TMPO: variants seen among roughly 807,000 people sequenced by gnomAD.
TMPO encodes LEM domain containing 4.
In TMPO, 22 loss-of-function variants were observed where a neutral mutation model predicts 45.4. That is an observed-to-expected ratio of 0.48 (90% CI 0.35 to 0.69). The LOEUF (loss-of-function observed/expected upper bound fraction) is 0.69. Ranked by LOEUF, TMPO falls within the 30% of genes least tolerant of loss-of-function variation. The probability of loss-of-function intolerance (pLI) is 0.01; values close to 1 mark genes in which losing one functional copy is unlikely to be tolerated. For missense variants in TMPO, 512 were observed against 548.8 expected, an observed-to-expected ratio of 0.93 and a Z score of 0.67; for synonymous variants, 241 against 204.1, an observed-to-expected ratio of 1.18 and a Z score of -1.54.
chr12:98,534,727 T>C (rs1306893879), intron 3 of TMPO: 1 of 1,035,480 alleles, frequency 9.7e-7, no homozygotes, highest in Non-Finnish European at 1.2e-6. Flanking sequence ...ATTAAACATT[T>C]GTTACACATT....
At chr12:98,527,630 T>C in intron 1 of TMPO, 1 of 405,276 alleles carries the variant, frequency 2.5e-6, no homozygotes, top group Non-Finnish European at 4.5e-6. Flanking sequence ...CTCTTTTAGA[T>C]AGGTAATCCA....
intron 1 of TMPO, among the ~76,000 whole-genome samples, chr12:98,524,561 A>C (rs985744071): frequency 2.6e-5 from 4 of 151,492 alleles, no homozygotes; most frequent in African/African-American, 7.3e-5. Context: ...CGAGAGAGTT[A>C]AGAGACTCCA....
chr12:98,542,600 AC>A (rs1355348442), intron 4 of TMPO, among the ~76,000 whole-genome samples: 4 of 152,080 alleles, frequency 2.6e-5, no homozygotes, highest in African/African-American at 9.7e-5. Flanking sequence ...AGTGGCTCAC[AC>A]CTGTAATCCC....
intron 3 of TMPO, chr12:98,534,343 T>G (rs1350530437): frequency 1.4e-5 from 23 of 1,611,436 alleles, no homozygotes; most frequent in Middle Eastern, 1.7e-4. Context: ...TAAACACTAG[T>G]AAAATTAAGG....
intron 3 of TMPO, chr12:98,534,676 T>C: frequency 8.9e-7 from 1 of 1,126,616 alleles, no homozygotes; most frequent in Non-Finnish European, 1.1e-6. Context: ...TATTTACTGT[T>C]CAATAGAATA....
rs1399046047 is a variant in TMPO at position 98,549,476 on chromosome 12, G to C, written c.*1618G>C. 1 of 152,120 alleles carries C rather than the reference G, an allele frequency of 6.6e-6. No individual in the cohort carries two copies. The highest frequency in any genetic ancestry group is 2.1e-4 in the South Asian group (1 of 4,816). 9.4% of individuals were successfully genotyped at this position (152,120 alleles called of 1,614,324 possible). ...TGCACCCGGCCGGCATTATGATTTT[G>C]TGTACTCTTGAAATGGTTATCTTTG... On this transcript the variant is annotated 3_prime_UTR_variant, in exon 9 of 9. Transcript: ENST00000556029.
At chr12:98,534,890 C>G in intron 3 of TMPO, 1 of 983,826 alleles carries the variant, frequency 1.0e-6, no homozygotes, top group Non-Finnish European at 1.2e-6. Flanking sequence ...CAATGCAACT[C>G]AAAGCACCAG....
At chr12:98,546,906 G>T (rs1465026388) in intron 8 of TMPO, among the ~76,000 whole-genome samples, 1 of 151,988 alleles carries the variant, frequency 6.6e-6, no homozygotes, top group African/African-American at 2.4e-5. Context: ...TTTTCTAATT[G>T]AAAAGGCTGT....
intron 3 of TMPO, chr12:98,535,667 T>A (rs1302881486): frequency 1.0e-6 from 1 of 985,308 alleles, no homozygotes; most frequent in East Asian, 1.1e-4. Flanking sequence ...TTGTTCTGTG[T>A]GCTTTATTCT....
At chr12:98,532,929 T>C in intron 3 of TMPO, 1 of 1,614,182 alleles carries the variant, frequency 6.2e-7, no homozygotes, top group African/African-American at 1.3e-5. Flanking sequence ...GTATTTCTTT[T>C]CCTGAAATCT....
At position 98,544,451 on chromosome 12, in the gene TMPO, TC is replaced by T; in HGVS notation, c.794del (p.Ser265Ter). 6.2e-7 allele frequency: 1 copy of T among 1,613,906 alleles called. No individual in the cohort carries two copies. Among genetic ancestry groups the T allele is most frequent in the Non-Finnish European group, 8.5e-7 (1 of 1,179,854 alleles). ...RRTPRKRVET[S>X]EHFRIDGPVI... ...GTTTTCAAACTAACAGGTGGAAACTTCAGAACATTTTCGTATAGATGGTCCA... is the reference window on the plus strand; with the variant it reads ...GTTTTCAAACTAACAGGTGGAAACTTAGAACATTTTCGTATAGATGGTCCA... On this transcript the variant is annotated frameshift_variant, in exon 6 of 9. Coordinates refer to ENST00000556029, the MANE Select transcript of TMPO (RefSeq NM_001032283.3). LOFTEE classifies it high-confidence loss of function.
At position 98,537,577 on chromosome 12, in the gene TMPO, CTT is replaced by C; in HGVS notation, c.663+7_663+8del. On this transcript the variant is annotated splice_donor_region_variant and intron_variant, in intron 4 of 8. Coordinates refer to ENST00000556029, the MANE Select transcript of TMPO (RefSeq NM_001032283.3). ...AGAAGAGTTGAGCACAATCAGGTATCTTTAGTTTTATTACCACCGTGTACAGG... is the reference window on the plus strand; with the variant it reads ...AGAAGAGTTGAGCACAATCAGGTATCTAGTTTTATTACCACCGTGTACAGG... 6.2e-7 allele frequency: 1 copy of C among 1,607,770 alleles called. No individual in the cohort carries two copies. Among genetic ancestry groups the C allele is most frequent in the Non-Finnish European group, 8.5e-7 (1 of 1,175,422 alleles).
At chr12:98,544,159 G>A in intron 4 of TMPO, 71 bp from the exon 5 acceptor site, 2 of 1,555,554 alleles carry the variant, frequency 1.3e-6, no homozygotes. Context: ...GCTTCTCAGT[G>A]TGCCAGTATG....
At position 98,544,958 on chromosome 12, in the gene TMPO, A is replaced by G. The variant is rs771589075; in HGVS notation, c.887A>G (p.Asn296Ser). Residue 296 changes from asparagine to serine, a missense_variant, in exon 7 of 9, where the codon AAT (asparagine) becomes AGT (serine). Physicochemically the swap from Asn to Ser is conservative, Grantham distance 46 (BLOSUM62 1). This residue lies in a region of TMPO where 209 missense variants were observed against 235.1 expected (regional missense o/e 0.89). Coordinates refer to ENST00000556029, the MANE Select transcript of TMPO (RefSeq NM_001032283.3). ...TAATTTGAATCTTGGCAGGTTGTCA[A>G]TAGGGTGACTGGAAATTTCAAGCAT... ...MASSNESLVVNRVTGNFKHAS... is the reference protein window; with the variant it reads ...MASSNESLVVSRVTGNFKHAS... The G allele has an allele frequency of 1.6e-5, 26 of 1,611,858 alleles. No homozygotes were observed. Among genetic ancestry groups the G allele is most frequent in the Middle Eastern group, 1.9e-4 (1 of 5,350 alleles).
rs1053171969 is a variant in TMPO at position 98,516,483 on chromosome 12, GA to G, written c.279+340del. The G allele has an allele frequency of 4.2e-5, 47 of 1,108,318 alleles. No homozygotes were observed. In the African/African-American group the frequency reaches 6.9e-4, roughly 16 times the overall value. The allele number at this position is 1,108,318 out of a possible 1,614,324, so 68.7% of individuals were successfully genotyped here. On this transcript the variant is annotated intron_variant, in intron 1 of 8. Coordinates refer to ENST00000556029, the MANE Select transcript of TMPO (RefSeq NM_001032283.3). ...TAGACGGGGACTTCCGTGCCCTTTCGAAAGCTCTGGAGGGGTGGCCCCAAAA... is the reference window on the plus strand; with the variant it reads ...TAGACGGGGACTTCCGTGCCCTTTCGAAGCTCTGGAGGGGTGGCCCCAAAA...
chr12:98,527,985 T>C lies in TMPO; in HGVS notation c.379T>C (p.Tyr127His), dbSNP rs755876535. The stretch of plus-strand genomic sequence containing the variant: ...AGATCTTTTGGATCAGCTTGTGAAA[T>C]ACGGAGTGAATCCTGGTCCTATTGT... ...NEDLLDQLVK[Y>H]GVNPGPIVGT... is the part of the protein sequence containing the mutation. Residue 127 changes from tyrosine (Y) to histidine (H), a missense_variant, in exon 2 of 9, where the codon TAC becomes CAC. By Grantham distance (83) the Tyr-to-His change is moderately conservative. Transcript: ENST00000556029. 1 of 1,613,962 alleles carries C rather than the reference T, an allele frequency of 6.2e-7. No homozygotes were observed. Among genetic ancestry groups the C allele is most frequent in the South Asian group, 1.1e-5 (1 of 91,080 alleles).
Position 98,516,280 on chromosome 12 carries a change from G to C in TMPO, c.279+134G>C. On this transcript the variant is annotated intron_variant, in intron 1 of 8. Transcript: ENST00000556029. The stretch of plus-strand genomic sequence containing the variant: ...TGCGGGGCTGTCCCTGCGCCCCCTC[G>C]CGTCGCCCCTTCCCCGCGGGGCTGC... The C allele has an allele frequency of 2.4e-6, 3 of 1,245,608 alleles. No individual in the cohort carries two copies. In the South Asian group the frequency reaches 1.1e-4, roughly 44 times the overall value. 77.2% of individuals were successfully genotyped at this position (1,245,608 alleles called of 1,614,324 possible). A position where few individuals can be genotyped will look rare whatever the true frequency, so the allele number is the denominator to read the frequency against.
intron 3 of TMPO, chr12:98,532,716 A>T: frequency 6.5e-7 from 1 of 1,548,530 alleles, no homozygotes; most frequent in Non-Finnish European, 8.9e-7. Flanking sequence ...AGAATATGAA[A>T]TTATAGTCTT....
At chr12:98,516,424 T>G in intron 1 of TMPO, 1 of 1,166,724 alleles carries the variant, frequency 8.6e-7, no homozygotes, top group Non-Finnish European at 1.1e-6. Context: ...TCGACGCCGC[T>G]TCCCTGGACC....
Sources: gnomAD v4.1 joint callset for allele counts (sites outside exome capture counted in the v4.1 genomes callset) on GRCh38, gnomAD v4.1.1 for gene constraint, gnomAD v4.1.1 regional missense constraint, MANE v1.5 for transcripts, NCBI Gene and HGNC (gene_info 2026-07-23, HGNC 2026-07-21) for gene names.